The following MYCBP2 variants were observed in gnomAD, a reference collection of about 807,000 sequenced individuals.
MYCBP2 encodes MYC binding protein 2.
In MYCBP2, 120 loss-of-function variants were observed where a neutral mutation model predicts 525.3. The observed-to-expected ratio is 0.23, with a 90% CI of 0.20 to 0.27. MYCBP2 has a LOEUF of 0.27. MYCBP2 is among the 10% of genes least tolerant of loss of function. The probability of loss-of-function intolerance (pLI) is 1.00; values close to 1 mark genes in which losing one functional copy is unlikely to be tolerated. For missense variants in MYCBP2, 4,149 were observed against 5,657.1 expected (o/e 0.73, Z 8.55); for synonymous variants, 1,894 against 1,955.8 (o/e 0.97, Z 0.83).
At chr13:77,136,715 G>A (rs554275723) in intron 52 of MYCBP2, among the ~76,000 whole-genome samples, 5 of 152,172 alleles carry the variant, frequency 3.3e-5, no homozygotes, top group African/African-American at 1.2e-4. Context: ...TCATTCTTTT[G>A]ATTCTGAACT....
chr13:77,056,874 C>G, intron 79 of MYCBP2, 112 bp downstream of exon 79: 1 of 724,716 alleles, frequency 1.4e-6, no homozygotes, highest in Non-Finnish European at 2.4e-6. Flanking sequence ...AGGGAAGAAA[C>G]TGCTAGGGGC....
intron 48 of MYCBP2, among the ~76,000 whole-genome samples, chr13:77,145,617 T>C (rs572512041): frequency 1.3e-5 from 2 of 152,304 alleles, no homozygotes; most frequent in African/African-American, 4.8e-5. Flanking sequence ...CTAAATTCTA[T>C]GGAGGTGATC....
intron 69 of MYCBP2, among the ~76,000 whole-genome samples, chr13:77,069,693 A>C (rs1157078926): frequency 9.5e-6 from 1 of 105,712 alleles, no homozygotes; most frequent in Non-Finnish European, 1.9e-5. Flanking sequence ...CGTCTGTACT[A>C]AAAAAAAAAA....
intron 61 of MYCBP2, among the ~76,000 whole-genome samples, chr13:77,088,084 CCTTGAAAAT>C (rs2154115516): frequency 6.6e-6 from 1 of 152,100 alleles, no homozygotes; most frequent in Admixed American, 6.6e-5. Flanking sequence ...ATGCTTGGCA[CCTTGAAAAT>C]CTGACCTTTA....
intron 2 of MYCBP2, among the ~76,000 whole-genome samples, chr13:77,292,974 A>AAAAG (rs1567178668): frequency 3.3e-5 from 5 of 151,268 alleles, no homozygotes; most frequent in South Asian, 2.1e-4. Flanking sequence ...AAAAAAAAAA[A>AAAAG]AAAGAAAGAA....
At chr13:77,127,112 C>T (rs1040160824) in intron 52 of MYCBP2, among the ~76,000 whole-genome samples, 8 of 151,918 alleles carry the variant, frequency 5.3e-5, no homozygotes, top group African/African-American at 1.9e-4. Flanking sequence ...AATATTGATG[C>T]TTACAATATT....
intron 80 of MYCBP2, among the ~76,000 whole-genome samples, chr13:77,054,156 G>A (rs1268619346): frequency 6.6e-6 from 1 of 152,046 alleles, no homozygotes; most frequent in Non-Finnish European, 1.5e-5. Context: ...GGTTGGGGGT[G>A]GCAGGTCAGA....
intron 72 of MYCBP2, among the ~76,000 whole-genome samples, chr13:77,065,640 A>G (rs1161604016): frequency 6.6e-6 from 1 of 152,220 alleles, no homozygotes; most frequent in African/African-American, 2.4e-5. Context: ...ATGAGGACTG[A>G]GGAGAATGAG....
At chr13:77,111,638 G>T (rs1454484266) in intron 55 of MYCBP2, among the ~76,000 whole-genome samples, 1 of 151,328 alleles carries the variant, frequency 6.6e-6, no homozygotes, top group Non-Finnish European at 1.5e-5. Flanking sequence ...TGTCCAGACT[G>T]GTCCTAAGCA....
rs1446490006 is a variant in MYCBP2 at position 77,278,887 on chromosome 13, C to T, written c.619G>A (p.Val207Ile). The change falls in exon 4 of 83, where the codon GTT (valine) becomes ATT (isoleucine). Residue 207 changes from valine to isoleucine, a missense_variant. Physicochemically the swap from Val to Ile is conservative, Grantham distance 29 (BLOSUM62 3). This residue lies in a region of MYCBP2 where 413 missense variants were observed against 451.2 expected (regional missense o/e 0.92). Transcript: ENST00000544440. Reference sequence around the variant, plus strand: ...CGTGTCTCTTTGATCAATTCAAAAACTTCACAAAGGCCAACCTCAATAATC... The same window carrying T: ...CGTGTCTCTTTGATCAATTCAAAAATTTCACAAAGGCCAACCTCAATAATC... Reference protein sequence around the residue: ...PKIIEVGLCEVFELIKETRFS... With the variant: ...PKIIEVGLCEIFELIKETRFS... 1 of 1,589,852 alleles carries T rather than the reference C, an allele frequency of 6.3e-7. No individual in the cohort carries two copies. Among genetic ancestry groups the T allele is most frequent in the Non-Finnish European group, 8.6e-7 (1 of 1,169,354 alleles).
chr13:77,281,196 T>C (rs1283167783), intron 3 of MYCBP2, among the ~76,000 whole-genome samples: 3 of 152,182 alleles, frequency 2.0e-5, no homozygotes, highest in Non-Finnish European at 4.4e-5. Context: ...AAAAATATAG[T>C]CCTGCCAATA....
At chr13:77,183,871 T>C (rs1038390885) in intron 32 of MYCBP2, among the ~76,000 whole-genome samples, 3 of 152,126 alleles carry the variant, frequency 2.0e-5, no homozygotes, top group Non-Finnish European at 4.4e-5. Context: ...CTTTTGATTA[T>C]GGTATTTCAT....
Position 77,090,150 on chromosome 13 carries a change from C to T in MYCBP2, c.10481G>A (p.Arg3494Gln), listed in dbSNP as rs1477729472. Reference protein sequence around the residue: ...YDKQHSILPARVKAIPRRRVN... With the variant: ...YDKQHSILPAQVKAIPRRRVN... ...TCTTCTTCTAGGAATAGCTTTAACT[C>T]GTGCAGGTAAAATGGAGTGTTGTTT... Residue 3494 changes from arginine (R) to glutamine (Q), a missense_variant, in exon 60 of 83, where the codon CGA becomes CAA. Arg to Gln is a conservative substitution (Grantham distance 43, BLOSUM62 1). Around this residue, in one of 21 missense-constraint regions of MYCBP2, gnomAD observed 509 missense variants for 789.4 expected, o/e 0.64. Coordinates refer to ENST00000544440, the MANE Select transcript of MYCBP2 (RefSeq NM_015057.5). 2.5e-6 allele frequency: 4 copies of T among 1,612,386 alleles called. No homozygotes were observed. The highest frequency in any genetic ancestry group is 2.2e-5 in the East Asian group (1 of 44,764).
intron 44 of MYCBP2, among the ~76,000 whole-genome samples, chr13:77,161,325 C>T (rs2057891529): frequency 6.6e-6 from 1 of 152,146 alleles, no homozygotes; most frequent in African/African-American, 2.4e-5. Context: ...AAATATAGTA[C>T]TCATGTATTT....
intron 17 of MYCBP2, among the ~76,000 whole-genome samples, chr13:77,235,575 A>G (rs2067799973): frequency 6.6e-6 from 1 of 152,148 alleles, no homozygotes; most frequent in Non-Finnish European, 1.5e-5. Flanking sequence ...AGAGATGATA[A>G]GTCCCTAACC....
chr13:77,311,361 T>C (rs1264668903), intron 1 of MYCBP2, among the ~76,000 whole-genome samples: 1 of 152,070 alleles, frequency 6.6e-6, no homozygotes, highest in Non-Finnish European at 1.5e-5. Flanking sequence ...TCCCAAATTC[T>C]CACAATGCAA....
chr13:77,222,571 A>G (rs1727109271), intron 20 of MYCBP2, among the ~76,000 whole-genome samples: 1 of 152,126 alleles, frequency 6.6e-6, no homozygotes, highest in African/African-American at 2.4e-5. Flanking sequence ...TCCTGGATAC[A>G]TATAGAATCT....
At chr13:77,156,665 G>A (rs2057247371) in intron 45 of MYCBP2, among the ~76,000 whole-genome samples, 1 of 152,148 alleles carries the variant, frequency 6.6e-6, no homozygotes, top group South Asian at 2.1e-4. Context: ...GGTTCAAGGT[G>A]TACTGCCCAT....
chr13:77,279,031 CATA>C, intron 3 of MYCBP2, 120 bp from the exon 4 acceptor site: 1 of 538,394 alleles, frequency 1.9e-6, no homozygotes, highest in Non-Finnish European at 2.9e-6. Flanking sequence ...ATAATGGAGC[CATA>C]ATAAAACATC....
Sources: gnomAD v4.1 joint callset for allele counts (sites outside exome capture counted in the v4.1 genomes callset) on GRCh38, gnomAD v4.1.1 for gene constraint, gnomAD v4.1.1 regional missense constraint, MANE v1.5 for transcripts, NCBI Gene and HGNC (gene_info 2026-07-23, HGNC 2026-07-21) for gene names.